GPR6: variants seen among roughly 807,000 people sequenced by gnomAD.
GPR6 encodes sphingosine 1-phosphate receptor GPR6.
Under a neutral mutation model 18.5 loss-of-function variants are expected in GPR6, and 14 were observed. The ratio of observed to expected loss-of-function variants is 0.76; its 90% CI spans 0.50 to 1.18. The LOEUF is 1.18. GPR6 is among the 50% of genes most tolerant of loss of function. The pLI is 0.00. For missense variants in GPR6, 477 were observed against 495.9 expected (o/e 0.96, Z 0.36); for synonymous variants, 299 against 240.9 (o/e 1.24, Z -2.23).
In GPR6 at chr6:109,978,450, G is replaced by C. The variant is rs1770993585; in HGVS notation, c.-36G>C. 1 of 311,550 alleles carries C rather than the reference G, an allele frequency of 3.2e-6. No homozygotes were observed. The highest frequency in any genetic ancestry group is 5.9e-6 in the Non-Finnish European group (1 of 169,566). The allele number at this position is 311,550 out of a possible 1,614,324, so 19.3% of individuals were successfully genotyped here. ...CGGCGCCCATGACCAGCGACTTCCA[G>C]AAGTCCTGACGCCCCAGGTGAGTGG... On this transcript the variant is annotated 5_prime_UTR_variant, in exon 1 of 2. Coordinates refer to ENST00000275169, the MANE Select transcript of GPR6 (RefSeq NM_005284.5).
Position 109,979,499 on chromosome 6 carries a change from T to C in GPR6, c.387T>C (p.Phe129=). 1 of 1,613,380 alleles carries C rather than the reference T, an allele frequency of 6.2e-7. No individual in the cohort carries two copies. The highest frequency in any genetic ancestry group is 8.5e-7 in the Non-Finnish European group (1 of 1,179,992). Residue 129 remains phenylalanine (F), a synonymous_variant, in exon 2 of 2, where the codon TTT becomes TTC. Transcript: ENST00000275169. ...LLAGCGLILH[F]VFQYLVPSET... The stretch of plus-strand genomic sequence containing the variant: ...CGGGCTGTGGCCTCATCTTGCACTT[T>C]GTGTTCCAGTACTTGGTGCCCTCGG...
chr6:109,978,635 A>AG, intron 1 of GPR6, 168 bp downstream of exon 1: 1 of 998,440 alleles, frequency 1.0e-6, no homozygotes, highest in Admixed American at 2.3e-5. Context: ...CCCCCTTCGC[A>AG]GGGGTCTCTG....
chr6:109,979,003 A>T, intron 1 of GPR6, 92 bp from the exon 2 acceptor site: 1 of 1,542,404 alleles, frequency 6.5e-7, no homozygotes, highest in Non-Finnish European at 8.7e-7. Flanking sequence ...GGGCAACTCA[A>T]GTGGGGCAAT....
Position 109,978,413 on chromosome 6 carries a change from G to A in GPR6, c.-73G>A. 1 of 250,872 alleles carries A rather than the reference G, an allele frequency of 4.0e-6. No homozygotes were observed. Among genetic ancestry groups the A allele is most frequent in the Non-Finnish European group, 7.6e-6 (1 of 131,452 alleles). The allele number at this position is 250,872 out of a possible 1,614,324, so 15.5% of individuals were successfully genotyped here. The stretch of plus-strand genomic sequence containing the variant: ...TCTGTTTGCGCGGGGAGCTCAGCCC[G>A]GCGCCCCGCCTCGGCGCCCATGACC... On this transcript the variant is annotated 5_prime_UTR_variant, in exon 1 of 2. Coordinates refer to ENST00000275169, the MANE Select transcript of GPR6 (RefSeq NM_005284.5).
In GPR6 at chr6:109,980,108, C is replaced by T. The variant is rs762024685; in HGVS notation, c.996C>T (p.Arg332=). 5.0e-6 allele frequency: 8 copies of T among 1,614,226 alleles called. No homozygotes were observed. The highest frequency in any genetic ancestry group is 2.2e-5 in the South Asian group (2 of 91,088). Reference sequence around the variant, plus strand: ...TCAATCCCATCATCTATGCCTTCCGCAACCAGGAGATCCAGCGCGCCCTGT... The same window carrying T: ...TCAATCCCATCATCTATGCCTTCCGTAACCAGGAGATCCAGCGCGCCCTGT... ...SMINPIIYAF[R]NQEIQRALWL... The change falls in exon 2 of 2, where the codon CGC becomes CGT. Residue 332 remains arginine (R), a synonymous_variant. Coordinates refer to ENST00000275169, the MANE Select transcript of GPR6 (RefSeq NM_005284.5).
rs371427677 is a variant in GPR6 at position 109,979,142 on chromosome 6, C to T, written c.30C>T (p.Asp10=). Residue 10 remains aspartate, a synonymous_variant, in exon 2 of 2, where the codon GAC becomes GAT. Coordinates refer to ENST00000275169, the MANE Select transcript of GPR6 (RefSeq NM_005284.5). The stretch of plus-strand genomic sequence containing the variant: ...ACGCGAGCGCCGCCTCGCTCAACGA[C>T]TCCCAGGTGGTGGTAGTGGCGGCCG... MNASAASLN[D]SQVVVVAAEG... 5.6e-6 allele frequency: 9 copies of T among 1,599,952 alleles called. No individual in the cohort carries two copies. The highest frequency in any genetic ancestry group is 1.7e-4 in the Middle Eastern group (1 of 6,036).
rs1293381053 is a variant in GPR6 at position 109,979,383 on chromosome 6, G to A, written c.271G>A (p.Ala91Thr). ...GGGGACAGTGATCGCTGGAGAAAAC[G>A]CGCTGGTGGTGGCGCTCATCGCGTC... is the stretch of plus-strand genomic sequence containing the variant. ...VSGTVIAGEN[A>T]LVVALIASTP... The change falls in exon 2 of 2, where the codon GCG becomes ACG. Residue 91 changes from alanine to threonine, a missense_variant. Physicochemically the swap from Ala to Thr is moderately conservative, Grantham distance 58. Coordinates refer to ENST00000275169, the MANE Select transcript of GPR6 (RefSeq NM_005284.5). 8.1e-6 allele frequency: 13 copies of A among 1,613,796 alleles called. No individual in the cohort carries two copies. Among genetic ancestry groups the A allele is most frequent in the South Asian group, 2.2e-5 (2 of 91,092 alleles).
At position 109,979,483 on chromosome 6, in the gene GPR6, G is replaced by A. The variant is rs1483563700; in HGVS notation, c.371G>A (p.Gly124Asp). ...LATADLLAGCGLILHFVFQYL... is the reference protein window; with the variant it reads ...LATADLLAGCDLILHFVFQYL... ...ACCGCTGACCTGTTGGCGGGCTGTGGCCTCATCTTGCACTTTGTGTTCCAG... is the reference window on the plus strand; with the variant it reads ...ACCGCTGACCTGTTGGCGGGCTGTGACCTCATCTTGCACTTTGTGTTCCAG... The change falls in exon 2 of 2, where the codon GGC (glycine) becomes GAC (aspartate). Residue 124 changes from glycine to aspartate, a missense_variant. By Grantham distance (94) the Gly-to-Asp change is moderately conservative. Coordinates refer to ENST00000275169, the MANE Select transcript of GPR6 (RefSeq NM_005284.5). 1.2e-6 allele frequency: 2 copies of A among 1,613,224 alleles called. No individual in the cohort carries two copies. Among genetic ancestry groups the A allele is most frequent in the Non-Finnish European group, 1.7e-6 (2 of 1,180,006 alleles).
Position 109,978,319 on chromosome 6 carries a change from A to C in GPR6, c.-167A>C, listed in dbSNP as rs4267976. The C allele has an allele frequency of 0.82, 132,336 of 162,054 alleles. 54,156 individuals carry two copies. The highest frequency in any genetic ancestry group is 0.85 in the Middle Eastern group (286 of 336). The allele number at this position is 162,054 out of a possible 1,614,324, so 10.0% of individuals were successfully genotyped here. ...CACCAACTGTATCTCTCACTCGCGGAGCCGGCACAGCGACAGGCGCCCCGC... is the reference window on the plus strand; with the variant it reads ...CACCAACTGTATCTCTCACTCGCGGCGCCGGCACAGCGACAGGCGCCCCGC... On this transcript the variant is annotated 5_prime_UTR_variant, in exon 1 of 2. Transcript: ENST00000275169.
Position 109,980,000 on chromosome 6 carries a change from C to T in GPR6, c.888C>T (p.Ala296=). Reference sequence around the variant, plus strand: ...TCGGCGCCAGCTGGCTGCCCTTCGCCATCTATTGCGTGGTGGGCAGCCATG... The same window carrying T: ...TCGGCGCCAGCTGGCTGCCCTTCGCTATCTATTGCGTGGTGGGCAGCCATG... ...GTFGASWLPF[A]IYCVVGSHED... The change falls in exon 2 of 2, where the codon GCC becomes GCT. Residue 296 remains alanine, a synonymous_variant. Coordinates refer to ENST00000275169, the MANE Select transcript of GPR6 (RefSeq NM_005284.5). The T allele has an allele frequency of 6.2e-7, 1 of 1,613,380 alleles. No homozygotes were observed. Among genetic ancestry groups the T allele is most frequent in the Non-Finnish European group, 8.5e-7 (1 of 1,180,040 alleles).
In GPR6 at chr6:109,979,077, C is replaced by A. The variant is rs759440471; in HGVS notation, c.-18-18C>A. 6.5e-7 allele frequency: 1 copy of A among 1,546,782 alleles called. No homozygotes were observed. The highest frequency in any genetic ancestry group is 1.7e-4 in the Middle Eastern group (1 of 5,740). On this transcript the variant is annotated intron_variant, in intron 1 of 1. Coordinates refer to ENST00000275169, the MANE Select transcript of GPR6 (RefSeq NM_005284.5). ...GCCTGAAGTGTACACCTGACGCCTGCACTCCCTCCCTATGCAGGGTGCAAA... is the reference window on the plus strand; with the variant it reads ...GCCTGAAGTGTACACCTGACGCCTGAACTCCCTCCCTATGCAGGGTGCAAA...
chr6:109,978,780 C>T, intron 1 of GPR6: 2 of 1,535,736 alleles, frequency 1.3e-6, no homozygotes, highest in Non-Finnish European at 1.7e-6. Flanking sequence ...CCCAGGATGA[C>T]ACTCCTAGCT....
intron 1 of GPR6, 80 bp from the exon 2 acceptor site, chr6:109,979,015 C>A (rs1052980777): frequency 1.9e-5 from 30 of 1,539,442 alleles, no homozygotes; most frequent in Non-Finnish European, 1.4e-5. Context: ...TGGGGCAATG[C>A]GAGAGGAGGC....
rs573522362 is a variant in GPR6 at position 109,979,200 on chromosome 6, G to C, written c.88G>C (p.Gly30Arg). ...GAAAAATAAG[G>R]PDTGEWGPPA... ...GGCGGCGGCGGCCACAGCAGCAGGG[G>C]GGCCGGACACGGGCGAATGGGGACC... Residue 30 changes from glycine (G) to arginine (R), a missense_variant, in exon 2 of 2, where the codon GGG becomes CGG. Gly to Arg is a moderately radical substitution (Grantham distance 125). Transcript: ENST00000275169. The C allele has an allele frequency of 1.3e-6, 2 of 1,599,962 alleles. No individual in the cohort carries two copies. The highest frequency in any genetic ancestry group is 3.5e-5 in the Admixed American group (2 of 57,440).
Position 109,979,849 on chromosome 6 carries a change from T to G in GPR6, c.737T>G (p.Val246Gly), listed in dbSNP as rs777736409. ...MVFGIMLHLY[V>G]RICQVVWRHA... ...TTCGGCATCATGCTGCACCTGTACG[T>G]GCGCATCTGCCAGGTGGTCTGGCGC... The change falls in exon 2 of 2, where the codon GTG (valine) becomes GGG (glycine). Residue 246 changes from valine to glycine, a missense_variant. Physicochemically the swap from Val to Gly is moderately radical, Grantham distance 109 (BLOSUM62 -3). Coordinates refer to ENST00000275169, the MANE Select transcript of GPR6 (RefSeq NM_005284.5). 2 of 1,608,178 alleles carry G rather than the reference T, an allele frequency of 1.2e-6. No homozygotes were observed. Among genetic ancestry groups the G allele is most frequent in the Non-Finnish European group, 1.7e-6 (2 of 1,179,748 alleles).
Position 109,979,721 on chromosome 6 carries a change from C to A in GPR6, c.609C>A (p.Pro203=). Residue 203 remains proline (P), a synonymous_variant, in exon 2 of 2, where the codon CCC becomes CCA. Coordinates refer to ENST00000275169, the MANE Select transcript of GPR6 (RefSeq NM_005284.5). ...WTVSLGLGLL[P]VLGWNCLAER... Reference sequence around the variant, plus strand: ...TGTCCCTAGGCCTGGGGCTGCTGCCCGTGCTGGGCTGGAACTGCCTGGCAG... The same window carrying A: ...TGTCCCTAGGCCTGGGGCTGCTGCCAGTGCTGGGCTGGAACTGCCTGGCAG... 6.2e-7 allele frequency: 1 copy of A among 1,606,234 alleles called. No individual in the cohort carries two copies.
At chr6:109,978,977 G>C (rs1771006361) in intron 1 of GPR6, 118 bp from the exon 2 acceptor site, 2 of 1,535,770 alleles carry the variant, frequency 1.3e-6, no homozygotes, top group Non-Finnish European at 1.8e-6. Context: ...TTTGCTCTGG[G>C]GTCCCAGGGT....
Position 109,980,309 on chromosome 6 carries a change from T to G in GPR6, c.*108T>G, listed in dbSNP as rs1771061381. ...GAGATCCCAATGGTGTGAGTCTGAC[T>G]TTGGAAAGAAAAAGGGACTAAAGAG... On this transcript the variant is annotated 3_prime_UTR_variant, in exon 2 of 2. Transcript: ENST00000275169. The G allele has an allele frequency of 6.7e-7, 1 of 1,493,554 alleles. No homozygotes were observed. The highest frequency in any genetic ancestry group is 2.2e-5 in the Admixed American group (1 of 46,036). The allele number at this position is 1,493,554 out of a possible 1,614,324, so 92.5% of individuals were successfully genotyped here.
Position 109,980,415 on chromosome 6 carries a change from A to T in GPR6, c.*214A>T, listed in dbSNP as rs2114349616. On this transcript the variant is annotated 3_prime_UTR_variant, in exon 2 of 2. Coordinates refer to ENST00000275169, the MANE Select transcript of GPR6 (RefSeq NM_005284.5). Reference sequence around the variant, plus strand: ...GTATACATGTGTACATATATATACAAATATTTGTATCTTCTGGAGGTGTTC... The same window carrying T: ...GTATACATGTGTACATATATATACATATATTTGTATCTTCTGGAGGTGTTC... 1 of 615,926 alleles carries T rather than the reference A, an allele frequency of 1.6e-6. No homozygotes were observed. Among genetic ancestry groups the T allele is most frequent in the East Asian group, 3.0e-5 (1 of 33,272 alleles). 38.2% of individuals were successfully genotyped at this position (615,926 alleles called of 1,614,324 possible).
Sources: allele counts gnomAD v4.1 joint callset, GRCh38; gene constraint gnomAD v4.1.1; transcripts MANE v1.5; gene names NCBI Gene and HGNC (gene_info 2026-07-23, HGNC 2026-07-21).